PHACTR2: variants seen among roughly 807,000 people sequenced by gnomAD.
PHACTR2 encodes phosphatase and actin regulator 2.
In PHACTR2, 30 loss-of-function variants were observed where a neutral mutation model predicts 76.0. The ratio of observed to expected loss-of-function variants is 0.39; its 90% CI spans 0.30 to 0.54. PHACTR2 has a LOEUF of 0.54. Ranked by LOEUF, PHACTR2 falls within the 20% of genes least tolerant of loss-of-function variation. The pLI, the probability that PHACTR2 is intolerant of heterozygous loss-of-function variation, is 0.61. For missense variants in PHACTR2, 696 were observed against 781.1 expected, an observed-to-expected ratio of 0.89 and a Z score of 1.30; for synonymous variants, 292 against 292.5, an observed-to-expected ratio of 1.00 and a Z score of 0.02.
At position 143,578,940 on chromosome 6, in the gene PHACTR2, G is replaced by A. The variant is rs1333164034; in HGVS notation, c.217+41733G>A. Reference sequence around the variant, plus strand: ...TGTTGTTGAGACAGGATCTTGTTCTGGCACCCAGGCTGGAGTGCAGTGGCG... The same window carrying A: ...TGTTGTTGAGACAGGATCTTGTTCTAGCACCCAGGCTGGAGTGCAGTGGCG... On this transcript the variant is annotated intron_variant, in intron 1 of 11. Coordinates refer to the PHACTR2 transcript ENST00000367584. This position sits in a 1 kb window ranked among gnomAD's most constrained non-coding sequence, Gnocchi z 4.5. Among the ~76,000 whole-genome samples, 1 of 151,812 alleles carries A rather than the reference G, an allele frequency of 6.6e-6. No homozygotes were observed. Among genetic ancestry groups the A allele is most frequent in the Non-Finnish European group, 1.5e-5 (1 of 67,978 alleles).
intron 5 of PHACTR2, among the ~76,000 whole-genome samples, chr6:143,762,474 G>A (rs2128472808): frequency 6.6e-6 from 1 of 152,238 alleles, no homozygotes; most frequent in Non-Finnish European, 1.5e-5. Flanking sequence ...GGCTATCACA[G>A]AGAAAACAGG....
At position 143,731,350 on chromosome 6, in the gene PHACTR2, C is replaced by T. The variant is rs549915140; in HGVS notation, c.215-17635C>T. Among the ~76,000 whole-genome samples the T allele has an allele frequency of 1.1e-4, 16 of 152,044 alleles. 1 individual carries two copies. The East Asian group carries it at 1.8e-3, about 17-fold the overall frequency. ...TTGCCCAGGCTGGAGTGCAATGGCA[C>T]GGTCTTGGCTCACAGCAACCTCCGC... On this transcript the variant is annotated intron_variant, in intron 2 of 12. Transcript: ENST00000440869. This position sits in a 1 kb window ranked among gnomAD's most constrained non-coding sequence, Gnocchi z 4.9.
intron 2 of PHACTR2, among the ~76,000 whole-genome samples, chr6:143,740,872 GTTC>G (rs1189582167): frequency 1.3e-5 from 2 of 152,192 alleles, no homozygotes; most frequent in Non-Finnish European, 2.9e-5. Context: ...ACACACCTGG[GTTC>G]AACCAGGTTC....
chr6:143,542,294 C>A (rs1414964012), intron 1 of PHACTR2, among the ~76,000 whole-genome samples: 1 of 152,186 alleles, frequency 6.6e-6, no homozygotes. Flanking sequence ...AGGAGCCTGA[C>A]CGCCGGTCAG....
chr6:143,635,607 A>C (rs536286714), intron 1 of PHACTR2, among the ~76,000 whole-genome samples: 3 of 152,284 alleles, frequency 2.0e-5, no homozygotes, highest in Admixed American at 2.0e-4. Context: ...ATCTTTGGCA[A>C]CCCAATAGGT....
chr6:143,608,318 C>T lies in PHACTR2; in HGVS notation c.9C>T (p.Asn3=), dbSNP rs996487920. 25 of 1,613,990 alleles carry T rather than the reference C, an allele frequency of 1.5e-5. No individual in the cohort carries two copies. Among genetic ancestry groups the T allele is most frequent in the South Asian group, 3.3e-5 (3 of 91,072 alleles). Residue 3 remains asparagine (N), a synonymous_variant, in exon 1 of 12, where the codon AAC becomes AAT. Transcript: ENST00000305766. This position sits in a 1 kb window ranked among gnomAD's most constrained non-coding sequence, Gnocchi z 4.6. ...CTCGCCACTCCTGAGACATGGACAA[C>T]GCCGGTGGGTAAATCAAGCATGAAT... is the stretch of plus-strand genomic sequence containing the variant.
intron 1 of PHACTR2, among the ~76,000 whole-genome samples, chr6:143,551,113 C>A (rs1227336697): frequency 6.6e-6 from 1 of 151,916 alleles, no homozygotes; most frequent in African/African-American, 2.4e-5. Context: ...CAAATCCATT[C>A]TTTAAGGTGA....
In PHACTR2 at chr6:143,659,657, G is replaced by T. The variant is rs1381535236; in HGVS notation, c.13+51335G>T. Reference sequence around the variant, plus strand: ...TAGCAAGACAGACGTGCCCTCTCAGGGGGAGGGGATCACACAAAGGTGGAT... The same window carrying T: ...TAGCAAGACAGACGTGCCCTCTCAGTGGGAGGGGATCACACAAAGGTGGAT... On this transcript the variant is annotated intron_variant, in intron 1 of 11. Coordinates refer to the PHACTR2 transcript ENST00000305766. This position sits in a 1 kb window ranked among gnomAD's most constrained non-coding sequence, Gnocchi z 5.0. Among the ~76,000 whole-genome samples, 5 of 152,142 alleles carry T rather than the reference G, an allele frequency of 3.3e-5. No homozygotes were observed. Among genetic ancestry groups the T allele is most frequent in the Admixed American group, 6.5e-5 (1 of 15,280 alleles).
rs1004208185 is a variant in PHACTR2 at position 143,751,338 on chromosome 6, C to T, written c.295+2273C>T. On this transcript the variant is annotated intron_variant, in intron 3 of 12. Coordinates refer to ENST00000440869, the MANE Select transcript of PHACTR2 (RefSeq NM_001100164.2). The surrounding 1 kb of genome is among the most constrained non-coding windows in gnomAD (Gnocchi z 5.7). ...CCTTCAACCTAAAAGTTCAGTGATT[C>T]GTCTTCTCTCCTGGGAAGTCTATGA... is the stretch of plus-strand genomic sequence containing the variant. Among the ~76,000 whole-genome samples, 3 of 152,098 alleles carry T rather than the reference C, an allele frequency of 2.0e-5. No individual in the cohort carries two copies. The highest frequency in any genetic ancestry group is 6.6e-5 in the Admixed American group (1 of 15,262).
chr6:143,674,995 CAGG>C (rs1455234090), upstream of PHACTR2, among the ~76,000 whole-genome samples: 1 of 152,140 alleles, frequency 6.6e-6, no homozygotes, highest in Admixed American at 6.5e-5. The surrounding 1 kb of genome is among the most constrained non-coding windows in gnomAD (Gnocchi z 4.9). Context: ...GGCTTCCATC[CAGG>C]AGGAGTGCAA....
chr6:143,694,055 AGAGT>A (rs1216179638), intron 1 of PHACTR2, among the ~76,000 whole-genome samples: 3 of 151,444 alleles, frequency 2.0e-5, no homozygotes, highest in Non-Finnish European at 2.9e-5. Context: ...GGTGACAGAC[AGAGT>A]GAGACCCTAT....
chr6:143,642,297 G>A (rs571233121), intron 1 of PHACTR2, among the ~76,000 whole-genome samples: 2 of 152,284 alleles, frequency 1.3e-5, no homozygotes, highest in East Asian at 1.9e-4. Context: ...TGTCTGCATC[G>A]CAAGCAGGCT....
chr6:143,585,496 G>A lies in PHACTR2; in HGVS notation c.217+48289G>A, dbSNP rs931545028. On this transcript the variant is annotated intron_variant, in intron 1 of 11. Coordinates refer to the PHACTR2 transcript ENST00000367584. This position sits in a 1 kb window ranked among gnomAD's most constrained non-coding sequence, Gnocchi z 5.2. ...CCTAGGGCTTCAGGAGTAAGGAACT[G>A]GATTCAGAAACAAGAGCTGCCAGTG... is the stretch of plus-strand genomic sequence containing the variant. Among the ~76,000 whole-genome samples the A allele has an allele frequency of 6.6e-6, 1 of 152,188 alleles. No homozygotes were observed. Among genetic ancestry groups the A allele is most frequent in the African/African-American group, 2.4e-5 (1 of 41,448 alleles).
At chr6:143,786,527 T>G (rs533139698) in intron 10 of PHACTR2, among the ~76,000 whole-genome samples, 47 of 152,326 alleles carry the variant, frequency 3.1e-4, no homozygotes, top group African/African-American at 1.1e-3. Flanking sequence ...GGGTATCTTT[T>G]CAGGAACACC....
At chr6:143,590,850 T>C (rs1244551802) in intron 1 of PHACTR2, among the ~76,000 whole-genome samples, 1 of 152,142 alleles carries the variant, frequency 6.6e-6, no homozygotes, top group African/African-American at 2.4e-5. Flanking sequence ...TGGTTAATTT[T>C]GCCCTGTTGT....
chr6:143,569,221 A>T (rs1469663845), intron 1 of PHACTR2, among the ~76,000 whole-genome samples: 1 of 152,060 alleles, frequency 6.6e-6, no homozygotes. Context: ...GTGGGCTGAG[A>T]CAGTGAGAAG....
In PHACTR2 at chr6:143,653,069, G is replaced by T. The variant is rs749812117; in HGVS notation, c.13+44747G>T. Among the ~76,000 whole-genome samples, 1 of 152,208 alleles carries T rather than the reference G, an allele frequency of 6.6e-6. No homozygotes were observed. The highest frequency in any genetic ancestry group is 1.5e-5 in the Non-Finnish European group (1 of 68,040). ...AGAGAATTGTACTTGATGGCACACG[G>T]TGTGATGGTTGCCTCACTGCCAGAG... On this transcript the variant is annotated intron_variant, in intron 1 of 11. Coordinates refer to the PHACTR2 transcript ENST00000305766. The surrounding 1 kb of genome is among the most constrained non-coding windows in gnomAD (Gnocchi z 4.9).
intron 9 of PHACTR2, among the ~76,000 whole-genome samples, chr6:143,779,531 G>A (rs1029058315): frequency 6.6e-6 from 1 of 151,892 alleles, no homozygotes; most frequent in Non-Finnish European, 1.5e-5. Flanking sequence ...TGTATTTTTA[G>A]TAGAGGTGGA....
At chr6:143,608,122 C>A, upstream of PHACTR2, 1 of 642,394 alleles carries the variant, frequency 1.6e-6, no homozygotes. The surrounding 1 kb of genome is among the most constrained non-coding windows in gnomAD (Gnocchi z 4.6). Flanking sequence ...TGTAATGGAG[C>A]TAATGGCTGT....
Sources: gnomAD v4.1 joint callset for allele counts (sites outside exome capture counted in the v4.1 genomes callset) on GRCh38, gnomAD v4.1.1 for gene constraint, Gnocchi (gnomAD v3.1) non-coding constraint, MANE v1.5 for transcripts, NCBI Gene and HGNC (gene_info 2026-07-23, HGNC 2026-07-21) for gene names.